RGS7: variants seen among roughly 807,000 people sequenced by gnomAD.
RGS7 encodes regulator of G protein signaling 7.
Under a neutral mutation model 81.1 loss-of-function variants are expected in RGS7, and 27 were observed. That is an observed-to-expected ratio of 0.33 (90% CI 0.25 to 0.46). RGS7 has a LOEUF of 0.46. Ranked by LOEUF, RGS7 falls within the 20% of genes least tolerant of loss-of-function variation. The pLI is 1.00. For synonymous variants in RGS7, 208 were observed against 207.7 expected (o/e 1.00, Z -0.01); for missense variants, 396 against 607.4 (o/e 0.65, Z 3.66).
chr1:240,850,915 A>G (rs1168378023), intron 9 of RGS7, among the ~76,000 whole-genome samples: 2 of 152,168 alleles, frequency 1.3e-5, no homozygotes, highest in Admixed American at 6.5e-5. Flanking sequence ...GAAATAAGGA[A>G]GCTGAAGAAA....
intron 2 of RGS7, among the ~76,000 whole-genome samples, chr1:241,241,822 G>A (rs2076272573): frequency 6.6e-6 from 1 of 152,170 alleles, no homozygotes; most frequent in Non-Finnish European, 1.5e-5. Flanking sequence ...CATTTAAGAA[G>A]CAGCAGGTGA....
At chr1:241,063,606 T>C (rs954738972) in intron 3 of RGS7, among the ~76,000 whole-genome samples, 8 of 152,322 alleles carry the variant, frequency 5.3e-5, no homozygotes, top group African/African-American at 1.7e-4. Flanking sequence ...TTTCCTGCTT[T>C]CACCGGCTTT....
In RGS7 at chr1:240,868,614, T is replaced by C. The variant is rs1663915624; in HGVS notation, c.582A>G (p.Arg194=). 6.2e-7 allele frequency: 1 copy of C among 1,614,130 alleles called. No individual in the cohort carries two copies. Among genetic ancestry groups the C allele is most frequent in the Admixed American group, 1.7e-5 (1 of 60,014 alleles). The change falls in exon 9 of 19, where the codon AGA becomes AGG. Residue 194 remains arginine (R), a synonymous_variant. Coordinates refer to ENST00000440928, the MANE Select transcript of RGS7 (RefSeq NM_001364886.1). This position sits in a 1 kb window ranked among gnomAD's most constrained non-coding sequence, Gnocchi z 5.1. Reference sequence around the variant, plus strand: ...CGGGCCTGTGCACGTCCCAGAACGCTCTCTCTTGGCTGTCAAGGATCTTCC... The same window carrying C: ...CGGGCCTGTGCACGTCCCAGAACGCCCTCTCTTGGCTGTCAAGGATCTTCC... ...IERKILDSQE[R]AFWDVHRPVP...
At chr1:241,128,692 C>T (rs12136183) in intron 2 of RGS7, among the ~76,000 whole-genome samples, 2 of 144,588 alleles carry the variant, frequency 1.4e-5, no homozygotes, top group Non-Finnish European at 3.0e-5. Context: ...ATTTACATCT[C>T]TATAAAATAT....
chr1:241,264,650 G>A (rs2077494499), intron 2 of RGS7, among the ~76,000 whole-genome samples: 1 of 152,204 alleles, frequency 6.6e-6, no homozygotes, highest in Admixed American at 6.5e-5. Context: ...AATGTATTCA[G>A]GTGAATAATT....
intron 3 of RGS7, among the ~76,000 whole-genome samples, chr1:241,017,422 A>G (rs1401158307): frequency 6.7e-6 from 1 of 148,796 alleles, no homozygotes; most frequent in Non-Finnish European, 1.5e-5. Flanking sequence ...CCTGGGTGAC[A>G]GAGCAACACT....
intron 2 of RGS7, among the ~76,000 whole-genome samples, chr1:241,239,306 G>A (rs1234812044): frequency 6.6e-6 from 1 of 151,978 alleles, no homozygotes; most frequent in African/African-American, 2.4e-5. Flanking sequence ...GCCATGCATT[G>A]GTTCCCTGCT....
intron 9 of RGS7, among the ~76,000 whole-genome samples, chr1:240,827,879 A>C (rs911989386): frequency 4.0e-5 from 6 of 151,188 alleles, no homozygotes; most frequent in Admixed American, 2.0e-4. Context: ...AAAAAAAAAA[A>C]AAAAAAAAAC....
At chr1:241,306,064 G>A (rs1460955305) in intron 2 of RGS7, among the ~76,000 whole-genome samples, 1 of 151,918 alleles carries the variant, frequency 6.6e-6, no homozygotes. Flanking sequence ...CGAGAAGAGA[G>A]GTTAATGGTT....
At chr1:240,991,688 G>C (rs1005615231) in intron 3 of RGS7, among the ~76,000 whole-genome samples, 1 of 152,130 alleles carries the variant, frequency 6.6e-6, no homozygotes, top group Non-Finnish European at 1.5e-5. Flanking sequence ...TAGTTCTATG[G>C]TTCTTTAGAC....
At chr1:241,038,125 T>TA (rs869144134) in intron 3 of RGS7, among the ~76,000 whole-genome samples, 1 of 152,172 alleles carries the variant, frequency 6.6e-6, no homozygotes, top group African/African-American at 2.4e-5. Context: ...AAATCTTTTT[T>TA]AAAAAAATCA....
At chr1:241,233,742 G>C (rs974363268) in intron 2 of RGS7, among the ~76,000 whole-genome samples, 1 of 151,206 alleles carries the variant, frequency 6.6e-6, no homozygotes, top group Non-Finnish European at 1.5e-5. Flanking sequence ...CATTTCTTTT[G>C]GATATATACT....
chr1:240,951,953 T>C (rs960272543), intron 4 of RGS7, among the ~76,000 whole-genome samples: 6 of 152,034 alleles, frequency 3.9e-5, no homozygotes, highest in African/African-American at 1.4e-4. Context: ...TCAGAAACTA[T>C]GTGGGCAAAA....
intron 2 of RGS7, among the ~76,000 whole-genome samples, chr1:241,205,234 C>G (rs542440613): frequency 6.7e-6 from 1 of 149,886 alleles, no homozygotes; most frequent in East Asian, 2.0e-4. Context: ...ATGCACACCA[C>G]GCCCAGCTAA....
At position 241,215,683 on chromosome 1, in the gene RGS7, G is replaced by A. The variant is rs115736522; in HGVS notation, c.79-116921C>T. 9.0e-3 allele frequency among the ~76,000 whole-genome samples: 1,371 copies of A among 152,234 alleles called. 26 individuals are homozygous for A. Among genetic ancestry groups the A allele is most frequent in the African/African-American group, 0.031 (1,288 of 41,520 alleles). On this transcript the variant is annotated intron_variant, in intron 2 of 18. Transcript: ENST00000440928. ...TAGCCACCCAAGAGATATTATTCGG[G>A]AAGTCCTCGTAGGGGAAAAAAACAG...
intron 3 of RGS7, among the ~76,000 whole-genome samples, chr1:241,019,750 T>C (rs1212622907): frequency 6.6e-6 from 1 of 152,194 alleles, no homozygotes; most frequent in East Asian, 1.9e-4. Flanking sequence ...CTTTATCCAG[T>C]CTATTATTGA....
intron 2 of RGS7, among the ~76,000 whole-genome samples, chr1:241,101,487 C>T (rs2064734615): frequency 6.6e-6 from 1 of 151,510 alleles, no homozygotes; most frequent in Admixed American, 6.6e-5. Flanking sequence ...CAGAGTGAGA[C>T]TTCACCTCAA....
At chr1:240,982,930 A>G in intron 4 of RGS7, 149 bp downstream of exon 4, 1 of 574,428 alleles carries the variant, frequency 1.7e-6, no homozygotes, top group South Asian at 2.2e-5. Flanking sequence ...CTACCATAAA[A>G]TTTATATAAA....
At chr1:241,183,062 T>A (rs1363926009) in intron 2 of RGS7, among the ~76,000 whole-genome samples, 1 of 152,064 alleles carries the variant, frequency 6.6e-6, no homozygotes, top group Non-Finnish European at 1.5e-5. Context: ...TGCTAGTCCC[T>A]TATCCAGAGC....
Sources: allele counts gnomAD v4.1 joint callset (sites outside exome capture counted in the v4.1 genomes callset), GRCh38; gene constraint gnomAD v4.1.1; non-coding constraint Gnocchi (gnomAD v3.1); transcripts MANE v1.5; gene names NCBI Gene and HGNC (gene_info 2026-07-23, HGNC 2026-07-21).